Variants in ZNF652 observed in about 807,000 individuals in gnomAD.
ZNF652 encodes zinc finger protein 652.
Under a neutral mutation model 45.2 loss-of-function variants are expected in ZNF652, and 16 were observed. That is an observed-to-expected ratio of 0.35 (90% CI 0.24 to 0.54). The LOEUF is 0.54. Ranked by LOEUF, ZNF652 falls within the 20% of genes least tolerant of loss-of-function variation. ZNF652 has a pLI of 0.91. For synonymous variants in ZNF652, 250 were observed against 260.6 expected, an observed-to-expected ratio of 0.96 and a Z score of 0.39; for missense variants, 614 against 765.6, an observed-to-expected ratio of 0.80 and a Z score of 2.34.
chr17:49,291,515 A>C lies in ZNF652; in HGVS notation c.*6898T>G, dbSNP rs2069404133. On this transcript the variant is annotated 3_prime_UTR_variant, in exon 6 of 6. Transcript: ENST00000430262. Reference sequence around the variant, plus strand: ...CTGATCTCACCAGAGAAGCTGACGTAGTGTGAAAGTAACCTGCGACTGGAA... The same window carrying C: ...CTGATCTCACCAGAGAAGCTGACGTCGTGTGAAAGTAACCTGCGACTGGAA... 6.6e-6 allele frequency: 1 copy of C among 152,230 alleles called. No homozygotes were observed. Among genetic ancestry groups the C allele is most frequent in the Non-Finnish European group, 1.5e-5 (1 of 68,054 alleles). The allele number at this position is 152,230 out of a possible 1,614,324, so 9.4% of individuals were successfully genotyped here. A position where few individuals can be genotyped will look rare whatever the true frequency, so the allele number is the denominator to read the frequency against.
chr17:49,304,039 C>G (rs1035030316), intron 5 of ZNF652, among the ~76,000 whole-genome samples: 1 of 149,422 alleles, frequency 6.7e-6, no homozygotes, highest in Non-Finnish European at 1.5e-5. Context: ...CAGGCGCCCG[C>G]CACCATGCCT....
chr17:49,360,569 G>A (rs1454315704), intron 1 of ZNF652, among the ~76,000 whole-genome samples: 3 of 152,058 alleles, frequency 2.0e-5, no homozygotes, highest in Non-Finnish European at 1.5e-5. Context: ...TGCCACCACT[G>A]ACAATCACAG....
chr17:49,334,059 G>A (rs760325044), intron 1 of ZNF652, among the ~76,000 whole-genome samples: 31 of 152,032 alleles, frequency 2.0e-4, no homozygotes, highest in Non-Finnish European at 3.7e-4. Context: ...ATGTTCATAC[G>A]AAAACTTGTA....
At chr17:49,301,000 A>G (rs2069545193) in intron 5 of ZNF652, among the ~76,000 whole-genome samples, 1 of 152,166 alleles carries the variant, frequency 6.6e-6, no homozygotes, top group East Asian at 1.9e-4. Context: ...TTCACAAATC[A>G]CTCAACATGC....
At chr17:49,341,192 T>C (rs941790228) in intron 1 of ZNF652, among the ~76,000 whole-genome samples, 3 of 151,946 alleles carry the variant, frequency 2.0e-5, no homozygotes, top group African/African-American at 2.4e-5. Flanking sequence ...TACTCTAGAC[T>C]GGGTGACAGA....
rs919596811 is a variant in ZNF652 at position 49,312,017 on chromosome 17, T to C, written c.1074A>G (p.Thr358=). The C allele has an allele frequency of 1.9e-6, 3 of 1,613,852 alleles. No homozygotes were observed. Among genetic ancestry groups the C allele is most frequent in the East Asian group, 4.5e-5 (2 of 44,882 alleles). ...TGAATGATTTTCCACAGGTTTCGCA[T>C]GTAAATGGCATGTCTTTTGTGTGTG... The part of the protein sequence containing the change: ...MVAHTKDMPF[T]CETCGKSFKR... The change falls in exon 4 of 6, where the codon ACA becomes ACG. Residue 358 remains threonine, a synonymous_variant. Transcript: ENST00000430262.
intron 5 of ZNF652, among the ~76,000 whole-genome samples, chr17:49,305,588 A>G (rs1396702546): frequency 6.6e-6 from 1 of 152,198 alleles, no homozygotes; most frequent in African/African-American, 2.4e-5. Flanking sequence ...AGTATCTGGT[A>G]AAGTGCTTAC....
chr17:49,345,312 C>T (rs1256217172), intron 1 of ZNF652, among the ~76,000 whole-genome samples: 1 of 151,434 alleles, frequency 6.6e-6, no homozygotes, highest in Non-Finnish European at 1.5e-5. Context: ...AAGCAATTCC[C>T]CTGCCTCAGC....
At chr17:49,347,789 G>A (rs2070222698) in intron 1 of ZNF652, among the ~76,000 whole-genome samples, 1 of 130,934 alleles carries the variant, frequency 7.6e-6, no homozygotes, top group African/African-American at 2.9e-5. Context: ...TGTCACTGAG[G>A]CTGGAAATGC....
chr17:49,328,346 A>G (rs1567690865), intron 1 of ZNF652, among the ~76,000 whole-genome samples: 1 of 152,066 alleles, frequency 6.6e-6, no homozygotes, highest in Non-Finnish European at 1.5e-5. Flanking sequence ...AATGACAGGA[A>G]TGAAACCATG....
intron 1 of ZNF652, among the ~76,000 whole-genome samples, chr17:49,323,986 T>A (rs1056113702): frequency 1.3e-5 from 2 of 152,162 alleles, no homozygotes; most frequent in African/African-American, 4.8e-5. Flanking sequence ...ACCAGCTACA[T>A]TAGCCCCTAG....
At chr17:49,329,591 A>T (rs559157531) in intron 1 of ZNF652, among the ~76,000 whole-genome samples, 2 of 152,370 alleles carry the variant, frequency 1.3e-5, no homozygotes, top group African/African-American at 4.8e-5. Context: ...TCTAATAAAA[A>T]TGTAATATGT....
chr17:49,314,527 C>G (rs1241661053), intron 2 of ZNF652, among the ~76,000 whole-genome samples: 2 of 152,026 alleles, frequency 1.3e-5, no homozygotes, highest in African/African-American at 4.8e-5. Context: ...AAGCCTATAC[C>G]TTTTCCCTTA....
At chr17:49,326,241 T>TAAAAAAA (rs56916451) in intron 1 of ZNF652, among the ~76,000 whole-genome samples, 1 of 94,038 alleles carries the variant, frequency 1.1e-5, no homozygotes, top group Non-Finnish European at 2.1e-5. Flanking sequence ...ACCCCATCTC[T>TAAAAAAA]AAAAAAAAAA....
At position 49,290,380 on chromosome 17, in the gene ZNF652, A is replaced by C. The variant is rs1199972005; in HGVS notation, c.*8033T>G. 6.6e-6 allele frequency: 1 copy of C among 151,028 alleles called. No individual in the cohort carries two copies. Among genetic ancestry groups the C allele is most frequent in the African/African-American group, 2.4e-5 (1 of 40,994 alleles). The allele number at this position is 151,028 out of a possible 1,614,324, so 9.4% of individuals were successfully genotyped here. ...AGGAGCCCTTAGACAAGTAACTGAC[A>C]GAGAGGGAGCACACACAGTTTCTAA... On this transcript the variant is annotated 3_prime_UTR_variant, in exon 6 of 6. Transcript: ENST00000430262.
rs187865575 is a variant in ZNF652 at position 49,342,596 on chromosome 17, C to T, written c.-259+19313G>A. On this transcript the variant is annotated intron_variant, in intron 1 of 5. Coordinates refer to ENST00000430262, the MANE Select transcript of ZNF652 (RefSeq NM_001145365.3). ...GAATCAATACATTTTCATGCTACAA[C>T]ATATCTTAACTCTTCAGTTTAAAAG... 4.2e-3 allele frequency among the ~76,000 whole-genome samples: 561 copies of T among 132,570 alleles called. 4 individuals are homozygous for T. The highest frequency in any genetic ancestry group is 0.013 in the African/African-American group (482 of 36,378). The allele number at this position is 132,570 out of a possible 152,430, so 87.0% of individuals were successfully genotyped here. A position where few individuals can be genotyped will look rare whatever the true frequency, so the allele number is the denominator to read the frequency against.
At chr17:49,323,155 A>G (rs556841546) in intron 1 of ZNF652, among the ~76,000 whole-genome samples, 1 of 152,340 alleles carries the variant, frequency 6.6e-6, no homozygotes, top group East Asian at 1.9e-4. Flanking sequence ...AACTTCTTTC[A>G]AAATTGGAGT....
chr17:49,289,124 A>G (rs900979929), downstream of ZNF652: 13 of 152,184 alleles, frequency 8.5e-5, no homozygotes, highest in Admixed American at 7.9e-4. Flanking sequence ...TTTTTCTCAA[A>G]AAGGGCAATT....
intron 1 of ZNF652, chr17:49,322,351 C>A (rs2069904160): frequency 6.6e-6 from 1 of 152,150 alleles, no homozygotes; most frequent in South Asian, 2.1e-4. Context: ...ACACGAAGAC[C>A]TCAAGAAAAA....
Sources: gnomAD v4.1 joint callset for allele counts (sites outside exome capture counted in the v4.1 genomes callset) on GRCh38, gnomAD v4.1.1 for gene constraint, MANE v1.5 for transcripts, NCBI Gene and HGNC (gene_info 2026-07-23, HGNC 2026-07-21) for gene names.